Variants in TRIM66 observed in about 807,000 individuals in gnomAD.
The protein encoded by TRIM66 is tripartite motif containing 66.
In TRIM66, 99 loss-of-function variants were observed where a neutral mutation model predicts 148.2. The observed-to-expected ratio is 0.67, with a 90% CI of 0.57 to 0.79. The LOEUF (loss-of-function observed/expected upper bound fraction) is 0.79. TRIM66 is among the 30% of genes least tolerant of loss of function. TRIM66 has a pLI of 0.00. For synonymous variants in TRIM66, 616 were observed against 635.9 expected, an observed-to-expected ratio of 0.97 and a Z score of 0.47; for missense variants, 1,666 against 1,697.9, an observed-to-expected ratio of 0.98 and a Z score of 0.33.
At position 8,625,102 on chromosome 11, in the gene TRIM66, G is replaced by C; in HGVS notation, c.2437C>G (p.Gln813Glu). 3 of 1,551,674 alleles carry C rather than the reference G, an allele frequency of 1.9e-6. No homozygotes were observed. The highest frequency in any genetic ancestry group is 1.4e-5 in the African/African-American group (1 of 73,174). Residue 813 changes from glutamine to glutamate, a missense_variant, in exon 16 of 25, where the codon CAG (glutamine) becomes GAG (glutamate). By Grantham distance (29) the Gln-to-Glu change is conservative. Transcript: ENST00000646038. ...SVSNLTAGAP[Q>E]AVPSLLSAPP... Reference sequence around the variant, plus strand: ...GCACTCAGCAGGCTTGGTACTGCCTGGGGGGCACCAGCTGTCAGGTTGCTC... The same window carrying C: ...GCACTCAGCAGGCTTGGTACTGCCTCGGGGGCACCAGCTGTCAGGTTGCTC...
In TRIM66 at chr11:8,640,889, G is replaced by A. The variant is rs965964832; in HGVS notation, c.1486C>T (p.Pro496Ser). ...CCCAGCTGCTGGGGCACCATCTCAG[G>A]GGGCTGCCTGAAGCTGTGGGCTGGG... ...IHPAHSFRQP[P>S]EMVPQQLGSL... The change falls in exon 14 of 25, where the codon CCT becomes TCT. Residue 496 changes from proline (P) to serine (S), a missense_variant. Around this residue, in one of 3 missense-constraint regions of TRIM66, gnomAD observed 1,431 missense variants for 1,412.4 expected, o/e 1.01. Coordinates refer to ENST00000646038, the MANE Select transcript of TRIM66 (RefSeq NM_001388022.1). The A allele has an allele frequency of 3.2e-6, 5 of 1,550,462 alleles. No homozygotes were observed. The African/African-American group carries it at 5.5e-5, about 17-fold the overall frequency.
rs761478688 is a variant in TRIM66 at position 8,620,077 on chromosome 11, C to A, written c.3720G>T (p.Leu1240=). The A allele has an allele frequency of 1.7e-4, 262 of 1,551,622 alleles. 1 individual carries two copies. Among genetic ancestry groups the A allele is most frequent in the Non-Finnish European group, 2.2e-4 (250 of 1,146,994 alleles). ...VLSLCCNNLS[L]PFHEPVSPLA... is the part of the protein sequence containing the mutation. ...GGGGGCTGACAGGTTCATGGAAGGG[C>A]AGGCTGAGGTTATTGCAGCACAAGG... The change falls in exon 22 of 25, where the codon CTG becomes CTT. Residue 1240 remains leucine (L), a synonymous_variant. Transcript: ENST00000646038.
chr11:8,668,176 T>C (rs2038716026), intron 6 of TRIM66, among the ~76,000 whole-genome samples: 2 of 152,232 alleles, frequency 1.3e-5, no homozygotes, highest in African/African-American at 4.8e-5. Context: ...ATTAGTGATG[T>C]TGAGCATTTT....
chr11:8,646,611 T>A, intron 10 of TRIM66, 50 bp from the exon 11 acceptor site: 1 of 1,443,990 alleles, frequency 6.9e-7, no homozygotes, highest in Non-Finnish European at 9.5e-7. Context: ...ATGGACTATA[T>A]GAAGACGAAG....
chr11:8,638,437 A>T (rs1565508832), intron 15 of TRIM66, among the ~76,000 whole-genome samples: 1 of 152,166 alleles, frequency 6.6e-6, no homozygotes, highest in Non-Finnish European at 1.5e-5. Flanking sequence ...GAAGCCCAGG[A>T]GGTCCCATTT....
chr11:8,671,185 T>G (rs2038910384), intron 6 of TRIM66, among the ~76,000 whole-genome samples: 1 of 152,238 alleles, frequency 6.6e-6, no homozygotes, highest in Admixed American at 6.5e-5. Context: ...GCCAACTTAT[T>G]TGACTTTCTC....
rs953438213 is a variant in TRIM66 at position 8,618,941 on chromosome 11, G to A, written c.3928C>T (p.Arg1310Cys). The A allele has an allele frequency of 3.2e-6, 5 of 1,551,440 alleles. No homozygotes were observed. The highest frequency in any genetic ancestry group is 4.4e-6 in the Non-Finnish European group (5 of 1,146,970). The change falls in exon 24 of 25, where the codon CGC becomes TGC. Residue 1310 changes from arginine to cysteine, a missense_variant. By Grantham distance (180) the Arg-to-Cys change is radical (BLOSUM62 -3). Around this residue, in one of 3 missense-constraint regions of TRIM66, gnomAD observed 204 missense variants for 231.0 expected, o/e 0.88. Transcript: ENST00000646038. The part of the protein sequence containing the change: ...YPDSEVAEAG[R>C]CLEVFFEGWL... ...CCCTCAAAGAACACTTCCAGGCAGC[G>A]GCCAGCCTCTGCAACCTCGGAGTCA...
At position 8,640,300 on chromosome 11, in the gene TRIM66, A is replaced by G. The variant is rs944682485; in HGVS notation, c.2075T>C (p.Ile692Thr). The G allele has an allele frequency of 1.3e-6, 2 of 1,551,658 alleles. No individual in the cohort carries two copies. Among genetic ancestry groups the G allele is most frequent in the Non-Finnish European group, 8.7e-7 (1 of 1,147,000 alleles). Residue 692 changes from isoleucine to threonine, a missense_variant, in exon 14 of 25, where the codon ATT (isoleucine) becomes ACT (threonine). Coordinates refer to ENST00000646038, the MANE Select transcript of TRIM66 (RefSeq NM_001388022.1). ...TKSPQHLQQT[I>T]VGQINYIVRQ... ...CACGATGTAGTTGATCTGCCCCACAATGGTTTGCTGAAGATGCTGAGGAGA... is the reference window on the plus strand; with the variant it reads ...CACGATGTAGTTGATCTGCCCCACAGTGGTTTGCTGAAGATGCTGAGGAGA...
At chr11:8,644,348 C>G in intron 12 of TRIM66, 1 of 436,092 alleles carries the variant, frequency 2.3e-6, no homozygotes, top group South Asian at 1.7e-5. Context: ...TGTCATCTTT[C>G]TCTTCCACTG....
chr11:8,651,927 G>T lies in TRIM66; in HGVS notation c.341-24C>A, dbSNP rs963828030. The stretch of plus-strand genomic sequence containing the variant: ...CTCTGTGCAAGAAAGAAAGATAGCA[G>T]AGTCAGGGCAACATGGCTGATTATA... On this transcript the variant is annotated intron_variant, in intron 6 of 24. Coordinates refer to ENST00000646038, the MANE Select transcript of TRIM66 (RefSeq NM_001388022.1). 2.0e-6 allele frequency: 3 copies of T among 1,535,338 alleles called. No individual in the cohort carries two copies. The South Asian group carries it at 3.6e-5, about 18-fold the overall frequency.
intron 6 of TRIM66, among the ~76,000 whole-genome samples, chr11:8,658,225 T>C (rs2038000750): frequency 6.6e-6 from 1 of 152,164 alleles, no homozygotes; most frequent in Non-Finnish European, 1.5e-5. Flanking sequence ...TCTGCAGCAA[T>C]TTTCCCAAAC....
chr11:8,671,995 A>G lies in TRIM66; in HGVS notation c.131T>C (p.Phe44Ser). The change falls in exon 6 of 25, where the codon TTT (phenylalanine) becomes TCT (serine). Residue 44 changes from phenylalanine (F) to serine (S), a missense_variant. Physicochemically the swap from Phe to Ser is radical, Grantham distance 155. Coordinates refer to ENST00000646038, the MANE Select transcript of TRIM66 (RefSeq NM_001388022.1). ...TGMAVDMGMSFMGLPLAGQKH... is the reference protein window; with the variant it reads ...TGMAVDMGMSSMGLPLAGQKH... Reference sequence around the variant, plus strand: ...CTGGCCAGCTAGTGGCAGCCCCATAAAGCTCATGCCCATGTCCACAGCCAT... The same window carrying G: ...CTGGCCAGCTAGTGGCAGCCCCATAGAGCTCATGCCCATGTCCACAGCCAT... 1 of 1,536,028 alleles carries G rather than the reference A, an allele frequency of 6.5e-7. No homozygotes were observed. The highest frequency in any genetic ancestry group is 8.7e-7 in the Non-Finnish European group (1 of 1,146,900).
intron 1 of TRIM66, among the ~76,000 whole-genome samples, chr11:8,681,424 C>T (rs1465257542): frequency 1.3e-5 from 2 of 152,128 alleles, no homozygotes; most frequent in East Asian, 1.9e-4. Flanking sequence ...TAAGCCACCA[C>T]GCCCGGCCAG....
At position 8,614,464 on chromosome 11, in the gene TRIM66, C is replaced by T. The variant is rs1468486190; in HGVS notation, c.*3480G>A. On this transcript the variant is annotated 3_prime_UTR_variant, in exon 25 of 25. Transcript: ENST00000646038. ...GTTCATGCTGGGGAGAGGAAGAAGT[C>T]CAGGAGAAAGTTAAAAGACAAGGAG... 2 of 152,248 alleles carry T rather than the reference C, an allele frequency of 1.3e-5. No individual in the cohort carries two copies. The highest frequency in any genetic ancestry group is 2.9e-5 in the Non-Finnish European group (2 of 68,346). The allele number at this position is 152,248 out of a possible 1,614,324, so 9.4% of individuals were successfully genotyped here.
rs150074840 is a variant in TRIM66, at chr11:8,679,070, C to T, written c.-190+550G>A. The T allele has an allele frequency of 6.6e-5, 10 of 152,326 alleles. No individual in the cohort carries two copies. In the East Asian group the frequency reaches 1.9e-3, roughly 29 times the overall value. The allele number at this position is 152,326 out of a possible 1,614,324, so 9.4% of individuals were successfully genotyped here. A position where few individuals can be genotyped will look rare whatever the true frequency, so the allele number is the denominator to read the frequency against. ...AGAAGAGATGTCACAGAGAAGGACA[C>T]CCCTCAGGAGTCATGGCCAAAGGTC... is the stretch of plus-strand genomic sequence containing the variant. On this transcript the variant is annotated intron_variant, in intron 3 of 24. Transcript: ENST00000646038.
At position 8,625,019 on chromosome 11, in the gene TRIM66, C is replaced by T. The variant is rs1034323422; in HGVS notation, c.2520G>A (p.Leu840=). 2 of 1,551,686 alleles carry T rather than the reference C, an allele frequency of 1.3e-6. No individual in the cohort carries two copies. Among genetic ancestry groups the T allele is most frequent in the African/African-American group, 1.4e-5 (1 of 73,168 alleles). Reference sequence around the variant, plus strand: ...GCACAGTCTGTAGGTGACTGGTTGTCAGGCTGGGCATGGCCTGGTTTTGAA... The same window carrying T: ...GCACAGTCTGTAGGTGACTGGTTGTTAGGCTGGGCATGGCCTGGTTTTGAA... The part of the protein sequence containing the change: ...TSVQNQAMPS[L]TTSHLQTVPS... Residue 840 remains leucine (L), a synonymous_variant, in exon 16 of 25, where the codon CTG becomes CTA. Transcript: ENST00000646038.
chr11:8,677,155 T>C (rs1259119256), intron 3 of TRIM66, among the ~76,000 whole-genome samples: 1 of 152,164 alleles, frequency 6.6e-6, no homozygotes, highest in African/African-American at 2.4e-5. Context: ...ACAGAACAAA[T>C]TATCATAAAA....
At chr11:8,663,585 T>C (rs1220531775) in intron 6 of TRIM66, among the ~76,000 whole-genome samples, 2 of 152,084 alleles carry the variant, frequency 1.3e-5, no homozygotes, top group Non-Finnish European at 2.9e-5. Context: ...AGGCTGTGAG[T>C]AACTAAAAAC....
At chr11:8,621,931 T>C in intron 18 of TRIM66, 112 bp from the exon 19 acceptor site, 9 of 1,103,084 alleles carry the variant, frequency 8.2e-6, no homozygotes, top group Admixed American at 6.7e-5. Flanking sequence ...GTCAACTTGA[T>C]TGGATTGAAG....
Sources: gnomAD v4.1 joint callset for allele counts (sites outside exome capture counted in the v4.1 genomes callset) on GRCh38, gnomAD v4.1.1 for gene constraint, gnomAD v4.1.1 regional missense constraint, MANE v1.5 for transcripts, NCBI Gene and HGNC (gene_info 2026-07-23, HGNC 2026-07-21) for gene names.